Variants in TAPBPL observed in about 807,000 individuals in gnomAD.
TAPBPL encodes TAP binding protein like.
A neutral mutation model predicts 44.8 loss-of-function variants in TAPBPL; 32 were observed. That is an observed-to-expected ratio of 0.71 (90% CI 0.54 to 0.96). The LOEUF (loss-of-function observed/expected upper bound fraction) is 0.96. Among genes scored for constraint, TAPBPL ranks in the 40% least tolerant of loss-of-function variants. The probability of loss-of-function intolerance (pLI) is 0.00; values close to 1 mark genes in which losing one functional copy is unlikely to be tolerated. For missense variants in TAPBPL, 520 were observed against 586.6 expected (o/e 0.89, Z 1.17); for synonymous variants, 230 against 240.7 (o/e 0.96, Z 0.41).
chr12:6,466,345 A>G, downstream of TAPBPL: 1 of 1,613,222 alleles, frequency 6.2e-7, no homozygotes, highest in Non-Finnish European at 8.5e-7. Flanking sequence ...GCTGAGCTGG[A>G]GCAGACCTGT....
chr12:6,454,003 G>A (rs189574420), intron 3 of TAPBPL, among the ~76,000 whole-genome samples: 12 of 148,660 alleles, frequency 8.1e-5, no homozygotes, highest in Admixed American at 4.7e-4. Context: ...CAACAAGAGC[G>A]AAACTCCATC....
At chr12:6,468,003 C>G (rs1229323633), downstream of TAPBPL, among the ~76,000 whole-genome samples, 1 of 152,252 alleles carries the variant, frequency 6.6e-6, no homozygotes, top group Admixed American at 6.5e-5. Flanking sequence ...CAAAAGTTTG[C>G]TGCAAGGGCA....
intron 3 of TAPBPL, among the ~76,000 whole-genome samples, chr12:6,455,479 T>C (rs557380640): frequency 8.5e-4 from 129 of 152,300 alleles, no homozygotes; most frequent in Middle Eastern, 3.4e-3. Flanking sequence ...GATGGCTTTA[T>C]AGTCTCACCA....
downstream of TAPBPL, chr12:6,465,400 A>AT (rs1565526164): frequency 1.1e-5 from 1 of 87,418 alleles, no homozygotes. Flanking sequence ...ATATATATAT[A>AT]AATGTATATA....
downstream of TAPBPL, chr12:6,464,746 T>G (rs1403740680): frequency 6.6e-7 from 1 of 1,524,148 alleles, no homozygotes; most frequent in Non-Finnish European, 8.7e-7. Flanking sequence ...CCTTCCCCCG[T>G]CCCGAACCAG....
chr12:6,470,388 C>T (rs1272681660), downstream of TAPBPL: 10 of 1,291,634 alleles, frequency 7.7e-6, no homozygotes, highest in Non-Finnish European at 9.8e-6. Context: ...CTGGGGGTGG[C>T]CCGGTCCGGA....
At chr12:6,464,734 G>C, downstream of TAPBPL, 1 of 1,516,914 alleles carries the variant, frequency 6.6e-7, no homozygotes, top group East Asian at 2.3e-5. Context: ...CCTTGTCTCT[G>C]CCCTTCCCCC....
chr12:6,453,239 C>T lies in TAPBPL; in HGVS notation c.237C>T (p.Thr79=), dbSNP rs1237353860. ...VLDDGSLEDF[T]DFQGGTLAQD... ...ACGATGGCTCCCTGGAGGACTTCAC[C>T]GATTTCCAAGGGGGCACACTGGCCC... is the stretch of plus-strand genomic sequence containing the variant. Residue 79 remains threonine (T), a synonymous_variant, in exon 2 of 7, where the codon ACC becomes ACT. Transcript: ENST00000266556. This position sits in a 1 kb window ranked among gnomAD's most constrained non-coding sequence, Gnocchi z 4.8. 4 of 1,613,978 alleles carry T rather than the reference C, an allele frequency of 2.5e-6. No individual in the cohort carries two copies. Among genetic ancestry groups the T allele is most frequent in the Non-Finnish European group, 1.7e-6 (2 of 1,179,972 alleles).
chr12:6,470,214 C>T (rs933556292), downstream of TAPBPL, among the ~76,000 whole-genome samples: 3 of 152,048 alleles, frequency 2.0e-5, no homozygotes, highest in Non-Finnish European at 4.4e-5. Context: ...CCATCCACCA[C>T]CCCCAGCCCC....
chr12:6,452,113 G>A lies in TAPBPL; in HGVS notation c.-136G>A, dbSNP rs928008528. The A allele has an allele frequency of 2.9e-6, 3 of 1,051,592 alleles. No individual in the cohort carries two copies. Among genetic ancestry groups the A allele is most frequent in the Non-Finnish European group, 4.2e-6 (3 of 708,766 alleles). The allele number at this position is 1,051,592 out of a possible 1,614,324, so 65.1% of individuals were successfully genotyped here. Reference sequence around the variant, plus strand: ...AAGTGAAAGAAAAGTCGGCAGCAGAGGGAACAGGGAAGAAACCTAAAGGCT... The same window carrying A: ...AAGTGAAAGAAAAGTCGGCAGCAGAAGGAACAGGGAAGAAACCTAAAGGCT... On this transcript the variant is annotated 5_prime_UTR_variant, in exon 1 of 7. Coordinates refer to ENST00000266556, the MANE Select transcript of TAPBPL (RefSeq NM_018009.5).
At chr12:6,471,556 A>G in the TAPBPL span, among the ~76,000 whole-genome samples, 1 of 152,194 alleles carries the variant, frequency 6.6e-6, no homozygotes, top group African/African-American at 2.4e-5. The surrounding 1 kb of genome is among the most constrained non-coding windows in gnomAD (Gnocchi z 4.0). Context: ...GGCCGGGCGC[A>G]GTGGCTCACA....
downstream of TAPBPL, chr12:6,463,219 A>C: frequency 7.0e-7 from 1 of 1,423,882 alleles, no homozygotes; most frequent in Non-Finnish European, 9.2e-7. The surrounding 1 kb of genome is among the most constrained non-coding windows in gnomAD (Gnocchi z 4.0). Flanking sequence ...GGTGGTTCAA[A>C]GGGGAATATA....
At chr12:6,466,079 T>C (rs1592148738), downstream of TAPBPL, 1 of 1,612,204 alleles carries the variant, frequency 6.2e-7, no homozygotes, top group East Asian at 2.2e-5. Flanking sequence ...GAATCACAAG[T>C]CTGGCCCTGT....
downstream of TAPBPL, chr12:6,465,891 T>C: frequency 6.2e-7 from 1 of 1,614,234 alleles, no homozygotes; most frequent in Non-Finnish European, 8.5e-7. Context: ...AGCACTGCTC[T>C]CAAATTGTGA....
At position 6,462,058 on chromosome 12, in the gene TAPBPL, A is replaced by C. The variant is rs1365317028; in HGVS notation, c.1316A>C (p.Gln439Pro). ...RQAPTGLGLL[Q>P]AERWETTSCA... ...GCACCTACAGGACTTGGGCTGCTTC[A>C]GGCTGAACGCTGGGAGACCACTTCC... The change falls in exon 7 of 7, where the codon CAG (glutamine) becomes CCG (proline). Residue 439 changes from glutamine to proline, a missense_variant. Coordinates refer to ENST00000266556, the MANE Select transcript of TAPBPL (RefSeq NM_018009.5). 1 of 1,613,476 alleles carries C rather than the reference A, an allele frequency of 6.2e-7. No individual in the cohort carries two copies. The highest frequency in any genetic ancestry group is 8.5e-7 in the Non-Finnish European group (1 of 1,179,574).
intron 3 of TAPBPL, among the ~76,000 whole-genome samples, chr12:6,455,333 T>C (rs777862406): frequency 6.6e-6 from 1 of 152,190 alleles, no homozygotes; most frequent in Non-Finnish European, 1.5e-5. Context: ...AGGACAAGGA[T>C]GTAATCCTTC....
At chr12:6,471,933 G>A in the TAPBPL span, among the ~76,000 whole-genome samples, 2 of 152,084 alleles carry the variant, frequency 1.3e-5, no homozygotes, top group Admixed American at 6.5e-5. The surrounding 1 kb of genome is among the most constrained non-coding windows in gnomAD (Gnocchi z 4.0). Context: ...TATACATACC[G>A]ATTTCTATAT....
downstream of TAPBPL, chr12:6,465,274 T>C (rs939818291): frequency 2.4e-6 from 1 of 417,542 alleles, no homozygotes; most frequent in Non-Finnish European, 4.7e-6. Flanking sequence ...CACTGTGAAG[T>C]GTTCAGCTCA....
At chr12:6,459,605 A>G (rs1949788539) in intron 5 of TAPBPL, among the ~76,000 whole-genome samples, 1 of 152,184 alleles carries the variant, frequency 6.6e-6, no homozygotes, top group Non-Finnish European at 1.5e-5. Context: ...AATCAATGGT[A>G]AAGAGAGAAT....
Sources: allele counts gnomAD v4.1 joint callset (sites outside exome capture counted in the v4.1 genomes callset), GRCh38; gene constraint gnomAD v4.1.1; non-coding constraint Gnocchi (gnomAD v3.1); transcripts MANE v1.5; gene names NCBI Gene and HGNC (gene_info 2026-07-23, HGNC 2026-07-21).